CEP85L: variants seen among roughly 807,000 people sequenced by gnomAD.
The protein encoded by CEP85L is centrosomal protein 85L, also known as centrosomal protein of 85 kDa-like.
In CEP85L, 60 loss-of-function variants were observed where a neutral mutation model predicts 100.3. The ratio of observed to expected loss-of-function variants is 0.60; its 90% CI spans 0.49 to 0.74. The LOEUF is 0.74. Among genes scored for constraint, CEP85L ranks in the 30% least tolerant of loss-of-function variants. The pLI is 0.00. For missense variants in CEP85L, 973 were observed against 936.2 expected, an observed-to-expected ratio of 1.04 and a Z score of -0.51; for synonymous variants, 319 against 322.7, an observed-to-expected ratio of 0.99 and a Z score of 0.12.
chr6:118,565,434 C>T (rs1779442302), intron 3 of CEP85L, 95 bp downstream of exon 3: 3 of 1,212,580 alleles, frequency 2.5e-6, no homozygotes, highest in African/African-American at 3.0e-5. Flanking sequence ...AAATGCAAAA[C>T]AATCTGTGAA....
rs1781714726 is a variant in CEP85L, at chr6:118,600,357, GTGTGTGTGTGTGT to G, written c.232+32083_232+32095del. ...TGTGTGTGTGTGTGTGTGTGTGTGT[GTGTGTGTGTGTGT>G]AACGCCATGGAGCAATCTCAGCTCA... On this transcript the variant is annotated intron_variant, in intron 2 of 12. Coordinates refer to ENST00000368491, the MANE Select transcript of CEP85L (RefSeq NM_001042475.3). Among the ~76,000 whole-genome samples the G allele has an allele frequency of 1.3e-4, 18 of 140,332 alleles. 3 individuals carry two copies. The South Asian group carries it at 1.4e-3, about 11-fold the overall frequency. 92.1% of individuals were successfully genotyped at this position (140,332 alleles called of 152,430 possible). A position where few individuals can be genotyped will look rare whatever the true frequency, so the allele number is the denominator to read the frequency against.
At position 118,463,854 on chromosome 6, in the gene CEP85L, G is replaced by A. The variant is rs981460635; in HGVS notation, c.*1551C>T. 5.3e-5 allele frequency: 8 copies of A among 152,030 alleles called. No homozygotes were observed. Among genetic ancestry groups the A allele is most frequent in the Non-Finnish European group, 1.0e-4 (7 of 67,956 alleles). 9.4% of individuals were successfully genotyped at this position (152,030 alleles called of 1,614,324 possible). On this transcript the variant is annotated 3_prime_UTR_variant, in exon 13 of 13. Transcript: ENST00000368491. ...TTTAAACTGTGTATCTTCCTGGGTA[G>A]TCTCCTTGAAGGCCTTGTCTCACAT... is the stretch of plus-strand genomic sequence containing the variant.
intron 3 of CEP85L, among the ~76,000 whole-genome samples, chr6:118,539,860 C>G (rs937669688): frequency 5.3e-5 from 8 of 152,082 alleles, no homozygotes; most frequent in African/African-American, 1.9e-4. Context: ...TTACATATTA[C>G]TTTTTTCTTT....
chr6:118,633,123 CATT>C (rs1774273400), intron 1 of CEP85L, among the ~76,000 whole-genome samples: 3 of 151,704 alleles, frequency 2.0e-5, no homozygotes, highest in Admixed American at 1.3e-4. Context: ...TTAAATTTTA[CATT>C]ATTTTATTTG....
intron 1 of CEP85L, among the ~76,000 whole-genome samples, chr6:118,678,856 C>T (rs771074794): frequency 1.4e-4 from 22 of 152,160 alleles, no homozygotes; most frequent in Non-Finnish European, 3.1e-4. Context: ...CTCTTGAACC[C>T]GGGAGGTGGA....
chr6:118,522,348 G>A lies in CEP85L; in HGVS notation c.1139+1454C>T, dbSNP rs373726655. On this transcript the variant is annotated intron_variant, in intron 4 of 12. Transcript: ENST00000368491. ...GCACTCCAGCCTGGGCAACAAGAGC[G>A]AATATTAATTTCAATTATATAAAAT... Among the ~76,000 whole-genome samples, 339 of 152,000 alleles carry A rather than the reference G, an allele frequency of 2.2e-3. 9 individuals carry two copies. The South Asian group carries it at 0.067, about 30-fold the overall frequency.
At chr6:118,657,686 G>A (rs1007807277) in intron 1 of CEP85L, among the ~76,000 whole-genome samples, 6 of 152,168 alleles carry the variant, frequency 3.9e-5, no homozygotes, top group Admixed American at 6.5e-5. Context: ...AACTCTGGAG[G>A]AGAAGGTCCT....
At chr6:118,663,228 T>C (rs149854338) in intron 1 of CEP85L, among the ~76,000 whole-genome samples, 2,742 of 152,304 alleles carry the variant, frequency 0.018, 51 homozygotes, top group Middle Eastern at 0.055. Flanking sequence ...ATCTGGCTCT[T>C]TGGTTCAGTA....
intron 2 of CEP85L, among the ~76,000 whole-genome samples, chr6:118,605,359 T>C (rs190150570): frequency 2.1e-3 from 325 of 152,298 alleles, no homozygotes; most frequent in African/African-American, 7.5e-3. Flanking sequence ...TGTTTCCTTA[T>C]CTTCCAGGTG....
intron 4 of CEP85L, among the ~76,000 whole-genome samples, chr6:118,519,396 G>A (rs892301926): frequency 2.3e-4 from 34 of 147,416 alleles, no homozygotes; most frequent in East Asian, 1.0e-3. Context: ...CCAAGATCGC[G>A]CCACCGCACT....
chr6:118,626,141 A>G (rs940438583), intron 2 of CEP85L, among the ~76,000 whole-genome samples: 2 of 152,158 alleles, frequency 1.3e-5, no homozygotes, highest in African/African-American at 4.8e-5. Flanking sequence ...TGGGTTGAGT[A>G]GGGGCTTGGA....
intron 3 of CEP85L, among the ~76,000 whole-genome samples, chr6:118,541,584 G>A (rs1484464517): frequency 6.6e-6 from 1 of 152,128 alleles, no homozygotes; most frequent in Non-Finnish European, 1.5e-5. Context: ...CTTAAAGAGG[G>A]CTAACTGTGT....
Position 118,491,094 on chromosome 6 carries a change from G to GTCTCCACGCTGT in CEP85L, c.1437+580_1437+591dup, listed in dbSNP as rs531327924. On this transcript the variant is annotated intron_variant, in intron 6 of 12. Transcript: ENST00000368491. ...AGCTCTACTTTTAGTTGTTTAAGGAGTCTCCACGCTGTTCTCCACGCTGTT... is the reference window on the plus strand; with the variant it reads ...AGCTCTACTTTTAGTTGTTTAAGGAGTCTCCACGCTGTTCTCCACGCTGTTCTCCACGCTGTT... 3.3e-5 allele frequency among the ~76,000 whole-genome samples: 5 copies of GTCTCCACGCTGT among 151,988 alleles called. No homozygotes were observed. The South Asian group carries it at 1.0e-3, about 32-fold the overall frequency.
Position 118,502,399 on chromosome 6 carries a change from C to T in CEP85L, c.1257+8899G>A, listed in dbSNP as rs372424831. 8.9e-5 allele frequency: 47 copies of T among 526,394 alleles called. No individual in the cohort carries two copies. In the East Asian group the frequency reaches 1.5e-3, roughly 17 times the overall value. The allele number at this position is 526,394 out of a possible 1,614,324, so 32.6% of individuals were successfully genotyped here. A position where few individuals can be genotyped will look rare whatever the true frequency, so the allele number is the denominator to read the frequency against. On this transcript the variant is annotated intron_variant, in intron 5 of 12. Transcript: ENST00000368491. The stretch of plus-strand genomic sequence containing the variant: ...ACAGATAGTTTGCTGGATGTTTTAA[C>T]AAAAGGAGGGGATTCCAGGGCCCTA...
At chr6:118,657,542 C>A (rs927272795) in intron 1 of CEP85L, among the ~76,000 whole-genome samples, 1 of 152,194 alleles carries the variant, frequency 6.6e-6, no homozygotes, top group Non-Finnish European at 1.5e-5. Context: ...ACTGCTTGAA[C>A]CCAGGAGGCA....
At chr6:118,509,773 C>T (rs117153872) in intron 5 of CEP85L, among the ~76,000 whole-genome samples, 13 of 152,064 alleles carry the variant, frequency 8.5e-5, no homozygotes, top group African/African-American at 2.2e-4. Context: ...CCAATAAGTA[C>T]GCCAACAGTC....
intron 10 of CEP85L, among the ~76,000 whole-genome samples, chr6:118,475,606 G>A (rs375576861): frequency 2.6e-5 from 4 of 151,774 alleles, no homozygotes; most frequent in East Asian, 1.9e-4. Context: ...CGCCTGCCTC[G>A]GCCTCCCAAA....
intron 4 of CEP85L, among the ~76,000 whole-genome samples, chr6:118,512,692 G>A (rs547704431): frequency 6.6e-6 from 1 of 152,218 alleles, no homozygotes; most frequent in South Asian, 2.1e-4. Flanking sequence ...TTTGTAAGAT[G>A]AGTCTTGTCT....
chr6:118,687,465 C>T (rs549653425), intron 1 of CEP85L, among the ~76,000 whole-genome samples: 4 of 152,284 alleles, frequency 2.6e-5, no homozygotes, highest in East Asian at 3.9e-4. Context: ...CCTTTAAACA[C>T]GGGGCTTGCA....
Sources: gnomAD v4.1 joint callset for allele counts (sites outside exome capture counted in the v4.1 genomes callset) on GRCh38, gnomAD v4.1.1 for gene constraint, MANE v1.5 for transcripts, NCBI Gene and HGNC (gene_info 2026-07-23, HGNC 2026-07-21) for gene names.